The following TNFRSF9 variants were observed in gnomAD, a reference collection of about 807,000 sequenced individuals.
TNFRSF9 encodes TNF receptor superfamily member 9.
Under a neutral mutation model 28.8 loss-of-function variants are expected in TNFRSF9, and 16 were observed. That is an observed-to-expected ratio of 0.55 (90% confidence interval 0.38 to 0.84). The LOEUF is 0.84. TNFRSF9 is among the 40% of genes least tolerant of loss of function. The pLI is 0.00. For synonymous variants in TNFRSF9, 131 were observed against 117.0 expected (o/e 1.12, Z -0.77); for missense variants, 303 against 315.0 (o/e 0.96, Z 0.29).
intron 5 of TNFRSF9, chr1:7,936,563 G>A (rs1639819212): frequency 1.3e-5 from 2 of 152,264 alleles, no homozygotes; most frequent in South Asian, 4.1e-4. Flanking sequence ...CCACTCTGAT[G>A]CTGATAAATT....
chr1:7,920,685 A>G lies in TNFRSF9; in HGVS notation c.*150T>C. 1 of 663,778 alleles carries G rather than the reference A, an allele frequency of 1.5e-6. No individual in the cohort carries two copies. The highest frequency in any genetic ancestry group is 1.9e-5 in the South Asian group (1 of 52,670). 41.1% of individuals were successfully genotyped at this position (663,778 alleles called of 1,614,324 possible). On this transcript the variant is annotated 3_prime_UTR_variant, in exon 8 of 8. Coordinates refer to ENST00000377507, the MANE Select transcript of TNFRSF9 (RefSeq NM_001561.6). ...AAAAGTGGTGCATTTTTAAAGGCCA[A>G]CTCATTGGCATTTAGAAAAGAACGT...
intron 7 of TNFRSF9, among the ~76,000 whole-genome samples, chr1:7,929,889 GA>G (rs1639707959): frequency 6.6e-6 from 1 of 151,530 alleles, no homozygotes; most frequent in African/African-American, 2.4e-5. Flanking sequence ...AACCGCATGA[GA>G]GATGTTCCTG....
In TNFRSF9 at chr1:7,939,972, A is replaced by C; in HGVS notation, c.23T>G (p.Ile8Arg). The C allele has an allele frequency of 1.3e-6, 2 of 1,599,272 alleles. No individual in the cohort carries two copies. The highest frequency in any genetic ancestry group is 1.7e-6 in the Non-Finnish European group (2 of 1,168,026). MGNSCYN[I>R]VATLLLVLNF... ...GAGGACCAGCAACAGAGTGGCTACT[A>C]TGTTGTAACAGCTGTTTCCCATGAT... is the stretch of plus-strand genomic sequence containing the variant. The change falls in exon 2 of 8, where the codon ATA becomes AGA. Residue 8 changes from isoleucine (I) to arginine (R), a missense_variant. Transcript: ENST00000377507.
At position 7,938,201 on chromosome 1, in the gene TNFRSF9, G is replaced by C. The variant is rs1321013578; in HGVS notation, c.338C>G (p.Thr113Arg). 2 of 1,569,844 alleles carry C rather than the reference G, an allele frequency of 1.3e-6. No individual in the cohort carries two copies. The highest frequency in any genetic ancestry group is 2.8e-5 in the African/African-American group (2 of 72,330). The change falls in exon 4 of 8, where the codon ACA (threonine) becomes AGA (arginine). Residue 113 changes from threonine to arginine, a missense_variant. Coordinates refer to ENST00000377507, the MANE Select transcript of TNFRSF9 (RefSeq NM_001561.6). ...AAGAAACGCAAACGTACCTTTTTTT[G>C]TCAGTTCTTGACCTTGTTTACAATC... ...EQDCKQGQEL[T>R]KKGCKDCCFG...
chr1:7,938,826 T>C lies in TNFRSF9; in HGVS notation c.103A>G (p.Thr35Ala). The change falls in exon 3 of 8, where the codon ACA becomes GCA. Residue 35 changes from threonine (T) to alanine (A), a missense_variant and splice_region_variant. Physicochemically the swap from Thr to Ala is moderately conservative, Grantham distance 58 (BLOSUM62 0). Transcript: ENST00000377507. ...QDPCSNCPAG[T>A]FCDNNRNQIC... The stretch of plus-strand genomic sequence containing the variant: ...TGATTCCTGTTATTATCACAGAATG[T>C]ACCTAAGAAAGGCAGACAATAGTGG... The C allele has an allele frequency of 6.2e-7, 1 of 1,610,220 alleles. No individual in the cohort carries two copies. Among genetic ancestry groups the C allele is most frequent in the Non-Finnish European group, 8.5e-7 (1 of 1,176,856 alleles).
chr1:7,939,690 C>A (rs928844974), intron 2 of TNFRSF9, among the ~76,000 whole-genome samples: 1 of 152,174 alleles, frequency 6.6e-6, no homozygotes, highest in Admixed American at 6.5e-5. Flanking sequence ...TCTTATTATC[C>A]CCAGATGAGA....
rs540062525 is a variant in TNFRSF9 at position 7,932,703 on chromosome 1, G to GCA, written c.679+457_679+458dup. Among the ~76,000 whole-genome samples, 20 of 145,004 alleles carry GCA rather than the reference G, an allele frequency of 1.4e-4. No homozygotes were observed. The South Asian group carries it at 1.8e-3, about 13-fold the overall frequency. On this transcript the variant is annotated intron_variant, in intron 7 of 7. Transcript: ENST00000377507. ...CACGCACGCACGCGCACACACACAC[G>GCA]CACACACACACAGACACGCACACAC...
At chr1:7,928,823 G>A (rs1350735194) in intron 7 of TNFRSF9, among the ~76,000 whole-genome samples, 3 of 152,144 alleles carry the variant, frequency 2.0e-5, no homozygotes, top group Non-Finnish European at 4.4e-5. Context: ...AGGTTGCAGC[G>A]AGTGGAGATC....
At chr1:7,933,001 T>C in intron 7 of TNFRSF9, 161 bp downstream of exon 7, 1 of 815,124 alleles carries the variant, frequency 1.2e-6, no homozygotes, top group Non-Finnish European at 1.9e-6. Context: ...TGCAACTGTC[T>C]CCAGACACTG....
rs757024139 is a variant in TNFRSF9, at chr1:7,920,907, T to C, written c.696A>G (p.Val232=). 4 of 1,613,648 alleles carry C rather than the reference T, an allele frequency of 2.5e-6. No individual in the cohort carries two copies. In the South Asian group the frequency reaches 4.4e-5, roughly 18 times the overall value. ...AGCCATCTTCCTCTTGAGTAGTTTG[T>C]ACTGGTCTCATAAATGCTAAAAAAA... ...YIFKQPFMRP[V]QTTQEEDGCS... is the part of the protein sequence containing the mutation. The change falls in exon 8 of 8, where the codon GTA becomes GTG. Residue 232 remains valine, a synonymous_variant. Coordinates refer to ENST00000377507, the MANE Select transcript of TNFRSF9 (RefSeq NM_001561.6).
Position 7,938,347 on chromosome 1 carries a change from GC to G in TNFRSF9, c.209-18del. 6.3e-7 allele frequency: 1 copy of G among 1,577,918 alleles called. No individual in the cohort carries two copies. Among genetic ancestry groups the G allele is most frequent in the Admixed American group, 1.9e-5 (1 of 52,906 alleles). On this transcript the variant is annotated intron_variant, in intron 3 of 7. Coordinates refer to ENST00000377507, the MANE Select transcript of TNFRSF9 (RefSeq NM_001561.6). ...TGAAAACACCTACAAAGTCCCCCCA[GC>G]CCCCAACATTTTATTACACTTGACC...
At chr1:7,928,392 A>T (rs1239888523) in intron 7 of TNFRSF9, among the ~76,000 whole-genome samples, 1 of 152,222 alleles carries the variant, frequency 6.6e-6, no homozygotes, top group Non-Finnish European at 1.5e-5. Context: ...CAAACAAAAT[A>T]TCTTTTAATG....
At chr1:7,928,677 A>G (rs2151415143) in intron 7 of TNFRSF9, among the ~76,000 whole-genome samples, 1 of 152,248 alleles carries the variant, frequency 6.6e-6, no homozygotes, top group Admixed American at 6.5e-5. Context: ...AGATCACATG[A>G]GGCCAGGAGT....
chr1:7,936,818 C>T (rs969281694), intron 5 of TNFRSF9, among the ~76,000 whole-genome samples: 1 of 152,188 alleles, frequency 6.6e-6, no homozygotes, highest in Non-Finnish European at 1.5e-5. Flanking sequence ...TGCCAATTTG[C>T]CTTAAAAGTT....
Position 7,935,057 on chromosome 1 carries a change from G to A in TNFRSF9, c.500C>T (p.Pro167Leu), listed in dbSNP as rs145966863. 2.5e-5 allele frequency: 41 copies of A among 1,614,104 alleles called. 1 individual carries two copies. In the Middle Eastern group the frequency reaches 4.9e-4, roughly 19 times the overall value. ...AGGCGGGGTCACAGAGGATGCTCCC[G>A]GAGAGAGGTCGGCTGGAGATGGTCC... is the stretch of plus-strand genomic sequence containing the variant. Reference protein sequence around the residue: ...VCGPSPADLSPGASSVTPPAP... With the variant: ...VCGPSPADLSLGASSVTPPAP... The change falls in exon 6 of 8, where the codon CCG (proline) becomes CTG (leucine). Residue 167 changes from proline to leucine, a missense_variant. By Grantham distance (98) the Pro-to-Leu change is moderately conservative. Transcript: ENST00000377507.
chr1:7,917,962 A>C lies in TNFRSF9; in HGVS notation c.*2873T>G, dbSNP rs1040782597. 4 of 133,672 alleles carry C rather than the reference A, an allele frequency of 3.0e-5. No homozygotes were observed. Among genetic ancestry groups the C allele is most frequent in the African/African-American group, 7.1e-5 (2 of 28,178 alleles). 8.3% of individuals were successfully genotyped at this position (133,672 alleles called of 1,614,324 possible). ...GAAAAATAAATTACAAAGGATATAT[A>C]TATATATATATATAGATATAGATAG... On this transcript the variant is annotated 3_prime_UTR_variant, in exon 8 of 8. Transcript: ENST00000377507.
intron 2 of TNFRSF9, among the ~76,000 whole-genome samples, chr1:7,939,151 C>T (rs1249352423): frequency 6.6e-6 from 1 of 151,928 alleles, no homozygotes; most frequent in Non-Finnish European, 1.5e-5. Flanking sequence ...GAAATCCTGT[C>T]TCTACTAAAA....
rs755017160 is a variant in TNFRSF9 at position 7,937,748 on chromosome 1, C to CT, written c.354dup (p.Asp119ArgfsTer8). 1.9e-6 allele frequency: 3 copies of CT among 1,611,896 alleles called. No homozygotes were observed. In the South Asian group the frequency reaches 3.3e-5, roughly 18 times the overall value. On this transcript the variant is annotated frameshift_variant, in exon 5 of 8. Transcript: ENST00000377507. LOFTEE classifies it high-confidence loss of function. The stretch of plus-strand genomic sequence containing the variant: ...TCGTTAAATGTCCCAAAGCAACAGT[C>CT]TTTACAACCTTGTATTAAAAATGAA...
chr1:7,937,659 T>C, intron 5 of TNFRSF9, 31 bp downstream of exon 5: 1 of 1,588,620 alleles, frequency 6.3e-7, no homozygotes, highest in East Asian at 2.2e-5. Flanking sequence ...CCAGATTCTT[T>C]ATTCCATAAA....
Sources: gnomAD v4.1 joint callset for allele counts (sites outside exome capture counted in the v4.1 genomes callset) on GRCh38, gnomAD v4.1.1 for gene constraint, MANE v1.5 for transcripts, NCBI Gene and HGNC (gene_info 2026-07-23, HGNC 2026-07-21) for gene names.